MDN1: variants seen among roughly 807,000 people sequenced by gnomAD.
MDN1 encodes the protein midasin AAA ATPase 1.
MDN1 carries 266 observed loss-of-function variants against 669.2 expected under a neutral mutation model. The observed-to-expected ratio is 0.40, with a 90% confidence interval of 0.36 to 0.44. MDN1 has a LOEUF of 0.44. Among genes scored for constraint, MDN1 ranks in the 20% least tolerant of loss-of-function variants. The pLI, the probability that MDN1 is intolerant of heterozygous loss-of-function variation, is 1.00. For missense variants in MDN1, 5,940 were observed against 6,754.0 expected, an observed-to-expected ratio of 0.88 and a Z score of 4.22; for synonymous variants, 2,385 against 2,457.1, an observed-to-expected ratio of 0.97 and a Z score of 0.87.
At chr6:89,753,354 T>A (rs1817052235) in intron 22 of MDN1, among the ~76,000 whole-genome samples, 158 bp downstream of exon 22, 1 of 152,116 alleles carries the variant, frequency 6.6e-6, no homozygotes, top group Non-Finnish European at 1.5e-5. Flanking sequence ...ATTGGAAACT[T>A]TCACCATCTA....
chr6:89,715,639 A>C lies in MDN1; in HGVS notation c.6860+14T>G. On this transcript the variant is annotated intron_variant, in intron 45 of 101. Coordinates refer to ENST00000369393, the MANE Select transcript of MDN1 (RefSeq NM_014611.3). Reference sequence around the variant, plus strand: ...TGTCAGATTCTGAGGCAGAAATGTAAGAGATACAAATACCTGAAATTGGGA... The same window carrying C: ...TGTCAGATTCTGAGGCAGAAATGTACGAGATACAAATACCTGAAATTGGGA... The C allele has an allele frequency of 6.7e-6, 10 of 1,496,858 alleles. No homozygotes were observed. Among genetic ancestry groups the C allele is most frequent in the Non-Finnish European group, 9.3e-6 (10 of 1,073,022 alleles). The allele number at this position is 1,496,858 out of a possible 1,614,324, so 92.7% of individuals were successfully genotyped here.
intron 89 of MDN1, 106 bp downstream of exon 89, chr6:89,658,504 C>A: frequency 6.6e-7 from 1 of 1,522,238 alleles, no homozygotes; most frequent in Admixed American, 1.9e-5. Context: ...CTCGGAAGTG[C>A]CACATGTTGA....
At chr6:89,724,180 T>G (rs1012380469) in intron 38 of MDN1, among the ~76,000 whole-genome samples, 12 of 152,134 alleles carry the variant, frequency 7.9e-5, no homozygotes, top group Non-Finnish European at 1.6e-4. Context: ...TATTAAAAAT[T>G]TCCTATGTAT....
chr6:89,725,930 TACACACACACACAC>T (rs71024397), intron 37 of MDN1, among the ~76,000 whole-genome samples: 21 of 147,582 alleles, frequency 1.4e-4, no homozygotes, highest in South Asian at 8.7e-4. Flanking sequence ...TGGTATTTTA[TACACACACACACAC>T]ACACACACAC....
chr6:89,718,224 A>T, intron 43 of MDN1, 142 bp downstream of exon 43: 1 of 944,098 alleles, frequency 1.1e-6, no homozygotes. Context: ...GCTTCATTTT[A>T]CTTTCTAGGT....
intron 93 of MDN1, 35 bp downstream of exon 93, chr6:89,654,129 C>A (rs750163699): frequency 6.2e-7 from 1 of 1,610,714 alleles, no homozygotes; most frequent in Non-Finnish European, 8.5e-7. Flanking sequence ...CAAGTCAGAG[C>A]GCCTGGGAAG....
intron 2 of MDN1, among the ~76,000 whole-genome samples, chr6:89,795,581 C>T (rs1819541817): frequency 6.6e-6 from 1 of 152,044 alleles, no homozygotes; most frequent in Admixed American, 6.6e-5. Context: ...AGAGCAAGAC[C>T]TTGTCTCAAA....
chr6:89,812,086 A>G (rs1232351936), intron 1 of MDN1, among the ~76,000 whole-genome samples: 1 of 151,710 alleles, frequency 6.6e-6, no homozygotes, highest in East Asian at 2.0e-4. Flanking sequence ...TCCGGGTTCA[A>G]GCAATTCTCC....
intron 23 of MDN1, 123 bp from the exon 24 acceptor site, chr6:89,750,655 T>A: frequency 1.0e-6 from 1 of 960,910 alleles, no homozygotes; most frequent in Non-Finnish European, 1.6e-6. Context: ...CAGGCTGAAG[T>A]ATGGTGGTGC....
At position 89,819,739 on chromosome 6, in the gene MDN1, C is replaced by A. The variant is rs185449025; in HGVS notation, c.-132G>T. On this transcript the variant is annotated 5_prime_UTR_variant, in exon 1 of 102. Coordinates refer to ENST00000369393, the MANE Select transcript of MDN1 (RefSeq NM_014611.3). ...AGGAAAGGCGTCCTCAGCTCCAGCG[C>A]CTACACCGGGAGAGGGGCACCACAC... 5.7e-6 allele frequency: 4 copies of A among 700,330 alleles called. No homozygotes were observed. In the African/African-American group the frequency reaches 7.1e-5, roughly 12 times the overall value. 43.4% of individuals were successfully genotyped at this position (700,330 alleles called of 1,614,324 possible).
intron 43 of MDN1, among the ~76,000 whole-genome samples, chr6:89,717,881 T>G (rs918485656): frequency 1.3e-5 from 2 of 152,150 alleles, no homozygotes; most frequent in Non-Finnish European, 2.9e-5. Context: ...GGTTGAATCC[T>G]CCCTAAGAGC....
intron 63 of MDN1, among the ~76,000 whole-genome samples, chr6:89,691,297 G>C (rs552873153): frequency 6.6e-6 from 1 of 152,190 alleles, no homozygotes; most frequent in Non-Finnish European, 1.5e-5. Context: ...TGTCTTACCA[G>C]ACACTTCTGA....
chr6:89,750,940 G>A (rs7767433), intron 23 of MDN1, among the ~76,000 whole-genome samples: 79,071 of 150,630 alleles, frequency 0.52, 21,201 homozygotes, highest in East Asian at 0.68. Context: ...AAAGAATGAC[G>A]ACATCATTTA....
intron 15 of MDN1, among the ~76,000 whole-genome samples, chr6:89,767,677 A>T (rs941073302): frequency 6.6e-6 from 1 of 151,996 alleles, no homozygotes; most frequent in Non-Finnish European, 1.5e-5. Context: ...AATCGCTTGA[A>T]CCAAGGAGGC....
rs1018856990 is a variant in MDN1 at position 89,643,271 on chromosome 6, G to C, written c.*734C>G. 1 of 152,086 alleles carries C rather than the reference G, an allele frequency of 6.6e-6. No individual in the cohort carries two copies. The highest frequency in any genetic ancestry group is 2.4e-5 in the African/African-American group (1 of 41,408). 9.4% of individuals were successfully genotyped at this position (152,086 alleles called of 1,614,324 possible). A position where few individuals can be genotyped will look rare whatever the true frequency, so the allele number is the denominator to read the frequency against. ...AAATTACTACAACAACAGGGACCAT[G>C]GCACTGAATGAAATAAAGGGGCAAT... On this transcript the variant is annotated 3_prime_UTR_variant, in exon 102 of 102. Coordinates refer to ENST00000369393, the MANE Select transcript of MDN1 (RefSeq NM_014611.3).
chr6:89,734,020 C>T (rs1815769878), intron 33 of MDN1, among the ~76,000 whole-genome samples: 1 of 152,112 alleles, frequency 6.6e-6, no homozygotes, highest in Non-Finnish European at 1.5e-5. Context: ...CACGGTGGCT[C>T]ATGCCTGTAA....
At chr6:89,751,696 C>A (rs1584317105) in intron 22 of MDN1, 114 bp from the exon 23 acceptor site, 2 of 1,082,104 alleles carry the variant, frequency 1.8e-6, no homozygotes, top group Admixed American at 2.6e-5. Context: ...TGCATACTTT[C>A]AACATTAAAA....
At chr6:89,666,128 T>G (rs1810201007) in intron 84 of MDN1, among the ~76,000 whole-genome samples, 1 of 152,246 alleles carries the variant, frequency 6.6e-6, no homozygotes, top group South Asian at 2.1e-4. Flanking sequence ...AACAACATTC[T>G]GGTGAACCTT....
chr6:89,810,873 C>T (rs1768371472), intron 1 of MDN1, among the ~76,000 whole-genome samples: 1 of 152,166 alleles, frequency 6.6e-6, no homozygotes, highest in Non-Finnish European at 1.5e-5. Context: ...TGGCACACAC[C>T]TGTAATCCCA....
Sources: gnomAD v4.1 joint callset for allele counts (sites outside exome capture counted in the v4.1 genomes callset) on GRCh38, gnomAD v4.1.1 for gene constraint, MANE v1.5 for transcripts, NCBI Gene and HGNC (gene_info 2026-07-23, HGNC 2026-07-21) for gene names.